Variants in UMAD1 observed in about 807,000 individuals in gnomAD.
The protein encoded by UMAD1 is UBAP1-MVB12-associated (UMA)-domain containing protein 1.
A neutral mutation model predicts 6.1 loss-of-function variants in UMAD1; 8 were observed. That is an observed-to-expected ratio of 1.30 (90% CI 0.76 to 2.35). The LOEUF (loss-of-function observed/expected upper bound fraction) is 2.35. UMAD1 is among the 30% of genes most tolerant of loss of function. The pLI, the probability that UMAD1 is intolerant of heterozygous loss-of-function variation, is 0.00. For synonymous variants in UMAD1, 56 were observed against 31.4 expected, an observed-to-expected ratio of 1.78 and a Z score of -2.61; for missense variants, 130 against 78.4, an observed-to-expected ratio of 1.66 and a Z score of -2.49.
At chr7:7,700,072 C>T (rs1005789436) in intron 2 of UMAD1, among the ~76,000 whole-genome samples, 1 of 152,142 alleles carries the variant, frequency 6.6e-6, no homozygotes, top group African/African-American at 2.4e-5. Context: ...CTTAGTCAGT[C>T]TGGGCTCCTT....
At chr7:7,839,247 C>T (rs1783629276) in intron 3 of UMAD1, among the ~76,000 whole-genome samples, 1 of 152,100 alleles carries the variant, frequency 6.6e-6, no homozygotes, top group Non-Finnish European at 1.5e-5. Context: ...CTTGCTCTGT[C>T]ATCACCCGTT....
At chr7:7,679,711 A>AATATATATATATATATATATAT (rs372324513) in intron 2 of UMAD1, among the ~76,000 whole-genome samples, 1 of 128,468 alleles carries the variant, frequency 7.8e-6, no homozygotes, top group African/African-American at 3.2e-5. Flanking sequence ...TTTATAGATA[A>AATATATATATATATATATATAT]ATATATATAT....
At chr7:7,735,275 T>G (rs1781331266) in intron 2 of UMAD1, among the ~76,000 whole-genome samples, 1 of 152,216 alleles carries the variant, frequency 6.6e-6, no homozygotes, top group Non-Finnish European at 1.5e-5. Context: ...AGTAATAATT[T>G]AAAGGTAATT....
At chr7:7,798,933 G>T (rs973450402) in intron 2 of UMAD1, among the ~76,000 whole-genome samples, 1 of 152,154 alleles carries the variant, frequency 6.6e-6, no homozygotes, top group Non-Finnish European at 1.5e-5. Context: ...GAAAGGTAAG[G>T]TATTATGAAA....
chr7:7,749,500 T>C (rs1363867742), intron 2 of UMAD1, among the ~76,000 whole-genome samples: 1 of 152,212 alleles, frequency 6.6e-6, no homozygotes, highest in Non-Finnish European at 1.5e-5. Context: ...TTTTCATGGC[T>C]TATAGAATAT....
chr7:7,781,733 A>G (rs986937361), intron 2 of UMAD1, among the ~76,000 whole-genome samples: 1 of 152,026 alleles, frequency 6.6e-6, no homozygotes, highest in African/African-American at 2.4e-5. Flanking sequence ...TTTTGTATTC[A>G]TCCTTTTTAG....
chr7:7,835,537 G>A lies in UMAD1; in HGVS notation c.156+33794G>A, dbSNP rs117641466. On this transcript the variant is annotated intron_variant, in intron 3 of 3. Transcript: ENST00000682710. ...ATATATAGAAGTGAGCAGGACAGCC[G>A]TGGTCCTTTCTTGGGAAGTTTATTT... is the stretch of plus-strand genomic sequence containing the variant. Among the ~76,000 whole-genome samples the A allele has an allele frequency of 2.4e-3, 318 of 131,376 alleles. 5 individuals are homozygous for A. In the East Asian group the frequency reaches 0.039, roughly 16 times the overall value. The allele number at this position is 131,376 out of a possible 152,430, so 86.2% of individuals were successfully genotyped here.
intron 2 of UMAD1, among the ~76,000 whole-genome samples, chr7:7,801,183 T>G (rs1782792161): frequency 6.6e-6 from 1 of 152,228 alleles, no homozygotes; most frequent in African/African-American, 2.4e-5. Flanking sequence ...CATTATTCTT[T>G]CCTGCTGTAA....
At chr7:7,746,292 A>G (rs1461753936) in intron 2 of UMAD1, among the ~76,000 whole-genome samples, 1 of 152,230 alleles carries the variant, frequency 6.6e-6, no homozygotes, top group East Asian at 1.9e-4. Context: ...CTTGGGGCAA[A>G]TGGGCAAAAT....
chr7:7,645,036 C>A (rs1396699897), intron 1 of UMAD1, among the ~76,000 whole-genome samples: 3 of 151,800 alleles, frequency 2.0e-5, no homozygotes, highest in African/African-American at 7.3e-5. Context: ...TCCTAGATAC[C>A]TTGTTTTTGT....
At chr7:7,680,791 TTTACTGG>T (rs1409004303) in intron 2 of UMAD1, among the ~76,000 whole-genome samples, 3 of 152,168 alleles carry the variant, frequency 2.0e-5, no homozygotes, top group African/African-American at 7.2e-5. Context: ...AGTATTTTAT[TTTACTGG>T]TAGCTTTATA....
intron 3 of UMAD1, among the ~76,000 whole-genome samples, chr7:7,818,469 C>T (rs910681688): frequency 1.3e-5 from 2 of 152,054 alleles, no homozygotes; most frequent in African/African-American, 2.4e-5. Context: ...AATGAGATAC[C>T]GTCTCACATC....
intron 2 of UMAD1, among the ~76,000 whole-genome samples, chr7:7,758,368 C>T (rs898065883): frequency 1.1e-4 from 17 of 152,128 alleles, no homozygotes; most frequent in Admixed American, 4.6e-4. Flanking sequence ...ATTTTTATAG[C>T]GAAGATCTTA....
At chr7:7,666,828 G>C (rs1224815906) in intron 1 of UMAD1, among the ~76,000 whole-genome samples, 5 of 151,810 alleles carry the variant, frequency 3.3e-5, no homozygotes. Context: ...TGTTTGAGAC[G>C]AAGTTTCACT....
At chr7:7,710,853 CAAG>C (rs1780740632) in intron 2 of UMAD1, among the ~76,000 whole-genome samples, 1 of 152,112 alleles carries the variant, frequency 6.6e-6, no homozygotes, top group Non-Finnish European at 1.5e-5. Flanking sequence ...TAATACTCAG[CAAG>C]AAGAAGTAAC....
At chr7:7,689,629 A>G (rs1288407664) in intron 2 of UMAD1, among the ~76,000 whole-genome samples, 1 of 152,118 alleles carries the variant, frequency 6.6e-6, no homozygotes, top group African/African-American at 2.4e-5. Context: ...GACTTCATGG[A>G]AATGTATTTA....
intron 3 of UMAD1, among the ~76,000 whole-genome samples, chr7:7,815,294 G>C (rs977419125): frequency 3.5e-4 from 54 of 152,146 alleles, no homozygotes; most frequent in African/African-American, 1.3e-3. Context: ...ATATTTATTT[G>C]TATGTCTATA....
Position 7,686,546 on chromosome 7 carries a change from G to A in UMAD1, c.82+13093G>A, listed in dbSNP as rs533443732. On this transcript the variant is annotated intron_variant, in intron 2 of 3. Transcript: ENST00000682710. Reference sequence around the variant, plus strand: ...AGCATCATGTCCTGAATGCATTACTGAGAAGGCATGCACGTATACTCATAC... The same window carrying A: ...AGCATCATGTCCTGAATGCATTACTAAGAAGGCATGCACGTATACTCATAC... 9.9e-5 allele frequency among the ~76,000 whole-genome samples: 15 copies of A among 152,250 alleles called. No homozygotes were observed. The East Asian group carries it at 2.9e-3, about 29-fold the overall frequency.
chr7:7,871,460 T>C (rs796416351), intron 3 of UMAD1, among the ~76,000 whole-genome samples: 1 of 152,202 alleles, frequency 6.6e-6, no homozygotes, highest in Non-Finnish European at 1.5e-5. Context: ...CCTTAACCTC[T>C]CTGTGCCTCA....
Sources: allele counts gnomAD v4.1 joint callset (sites outside exome capture counted in the v4.1 genomes callset), GRCh38; gene constraint gnomAD v4.1.1; transcripts MANE v1.5; gene names NCBI Gene and HGNC (gene_info 2026-07-23, HGNC 2026-07-21).